PGAP2: variants seen among roughly 807,000 people sequenced by gnomAD.
PGAP2 encodes post-GPI attachment to proteins 2.
Under a neutral mutation model 33.2 loss-of-function variants are expected in PGAP2, and 21 were observed. That is an observed-to-expected ratio of 0.63 (90% CI 0.45 to 0.91). The LOEUF is 0.91. Among genes scored for constraint, PGAP2 ranks in the 40% least tolerant of loss-of-function variants. PGAP2 has a pLI of 0.00. For synonymous variants in PGAP2, 161 were observed against 172.9 expected (o/e 0.93, Z 0.54); for missense variants, 345 against 424.0 (o/e 0.81, Z 1.64).
At chr11:3,805,138 G>C (rs1241250098), upstream of PGAP2, among the ~76,000 whole-genome samples, 1 of 152,112 alleles carries the variant, frequency 6.6e-6, no homozygotes, top group Non-Finnish European at 1.5e-5. Context: ...AAAAGTTCAG[G>C]ACGAGTTCAC....
At position 3,808,621 on chromosome 11, in the gene PGAP2, T is replaced by G; in HGVS notation, c.-41T>G. On this transcript the variant is annotated 5_prime_UTR_variant, in exon 1 of 7. Transcript: ENST00000278243. Reference sequence around the variant, plus strand: ...ACCCCGGGCCACCTGGGCCCCCGGGTTCCGCCGGCACTCTCGCCACCACCG... The same window carrying G: ...ACCCCGGGCCACCTGGGCCCCCGGGGTCCGCCGGCACTCTCGCCACCACCG... 2.9e-5 allele frequency: 37 copies of G among 1,293,444 alleles called. No individual in the cohort carries two copies. The highest frequency in any genetic ancestry group is 6.2e-4 in the Middle Eastern group (2 of 3,248). 80.1% of individuals were successfully genotyped at this position (1,293,444 alleles called of 1,614,324 possible). A position where few individuals can be genotyped will look rare whatever the true frequency, so the allele number is the denominator to read the frequency against.
chr11:3,799,828 G>A (rs1325203980), intron 1 of PGAP2, among the ~76,000 whole-genome samples: 3 of 152,154 alleles, frequency 2.0e-5, no homozygotes, highest in African/African-American at 4.8e-5. Context: ...AAGGCCAGGT[G>A]TGGTGGCAAG....
At position 3,818,061 on chromosome 11, in the gene PGAP2, A is replaced by AAC. The variant is rs1565030001; in HGVS notation, c.348+526_348+527insAC. 2.9e-4 allele frequency: 69 copies of AAC among 234,354 alleles called. 2 individuals are homozygous for AAC. Among genetic ancestry groups the AAC allele is most frequent in the Admixed American group, 7.7e-4 (12 of 15,568 alleles). 14.5% of individuals were successfully genotyped at this position (234,354 alleles called of 1,614,324 possible). A position where few individuals can be genotyped will look rare whatever the true frequency, so the allele number is the denominator to read the frequency against. ...AACCCTGTCTCAAAAACAAAACAAAATAAAAAAAAAAAAACAGCAGGCTGT... is the reference window on the plus strand; with the variant it reads ...AACCCTGTCTCAAAAACAAAACAAAAACTAAAAAAAAAAAAACAGCAGGCTGT... On this transcript the variant is annotated intron_variant, in intron 3 of 6. Coordinates refer to ENST00000278243, the MANE Select transcript of PGAP2 (RefSeq NM_014489.4).
chr11:3,813,539 A>G (rs1240519597), intron 2 of PGAP2, among the ~76,000 whole-genome samples: 1 of 152,192 alleles, frequency 6.6e-6, no homozygotes, highest in Non-Finnish European at 1.5e-5. Flanking sequence ...ATGCACAACC[A>G]TGCCCAGCTA....
At chr11:3,798,256 C>T (rs2082862277) in intron 1 of PGAP2, among the ~76,000 whole-genome samples, 1 of 152,244 alleles carries the variant, frequency 6.6e-6, no homozygotes, top group African/African-American at 2.4e-5. Flanking sequence ...GGGACTGGCC[C>T]ACCAAAGGGC....
chr11:3,812,007 C>T (rs1485674216), intron 2 of PGAP2, among the ~76,000 whole-genome samples: 1 of 151,998 alleles, frequency 6.6e-6, no homozygotes, highest in East Asian at 1.9e-4. Flanking sequence ...ATATCTGTGC[C>T]TGTCTGTATG....
Position 3,811,617 on chromosome 11 carries a change from G to C in PGAP2, c.165+193G>C, listed in dbSNP as rs2085594307. On this transcript the variant is annotated intron_variant, in intron 2 of 6. Transcript: ENST00000278243. The surrounding 1 kb of genome is among the most constrained non-coding windows in gnomAD (Gnocchi z 4.6). ...GCCTTCTGTGAGGTTCTGGAGGCTG[G>C]AGTCACTGAAGTGTAATATAGAGTC... Among the ~76,000 whole-genome samples the C allele has an allele frequency of 6.6e-6, 1 of 152,122 alleles. No individual in the cohort carries two copies. Among genetic ancestry groups the C allele is most frequent in the Admixed American group, 6.5e-5 (1 of 15,276 alleles).
intron 3 of PGAP2, among the ~76,000 whole-genome samples, chr11:3,822,251 C>T (rs951585284): frequency 6.6e-6 from 1 of 151,890 alleles, no homozygotes. Flanking sequence ...GTAGTCCCAG[C>T]TACTCGGGAG....
chr11:3,824,879 G>GC, intron 5 of PGAP2, 141 bp from the exon 6 acceptor site: 1 of 1,471,658 alleles, frequency 6.8e-7, no homozygotes, highest in Non-Finnish European at 9.0e-7. Context: ...CATTCTTGCT[G>GC]CCCCTGCCTG....
chr11:3,807,624 G>A (rs1169977127), upstream of PGAP2, among the ~76,000 whole-genome samples: 1 of 152,010 alleles, frequency 6.6e-6, no homozygotes, highest in Non-Finnish European at 1.5e-5. Flanking sequence ...GGGTTTTTAT[G>A]AGGATTAAAT....
intron 3 of PGAP2, among the ~76,000 whole-genome samples, chr11:3,823,415 C>T (rs1407109805): frequency 6.6e-6 from 1 of 152,118 alleles, no homozygotes; most frequent in Admixed American, 6.5e-5. Flanking sequence ...GTGAGTGGCG[C>T]TGGGAGCAGA....
At chr11:3,819,561 A>C (rs571830297) in intron 3 of PGAP2, among the ~76,000 whole-genome samples, 1 of 152,124 alleles carries the variant, frequency 6.6e-6, no homozygotes, top group South Asian at 2.1e-4. Flanking sequence ...AAAGGAATGA[A>C]TCTTATGGTG....
chr11:3,804,354 A>T (rs112898337), upstream of PGAP2, among the ~76,000 whole-genome samples: 1 of 152,034 alleles, frequency 6.6e-6, no homozygotes, highest in African/African-American at 2.4e-5. Flanking sequence ...AAGATGAGTG[A>T]GCTGGGGGTG....
chr11:3,802,432 C>G (rs2083590303), intron 1 of PGAP2, among the ~76,000 whole-genome samples: 1 of 152,176 alleles, frequency 6.6e-6, no homozygotes, highest in Non-Finnish European at 1.5e-5. Context: ...CTTCCTTCTT[C>G]CGTTCTAAAG....
Position 3,826,216 on chromosome 11 carries a change from T to C in PGAP2, c.*758T>C, listed in dbSNP as rs1242398327. On this transcript the variant is annotated 3_prime_UTR_variant, in exon 7 of 7. Coordinates refer to ENST00000278243, the MANE Select transcript of PGAP2 (RefSeq NM_014489.4). Reference sequence around the variant, plus strand: ...ACCCCTCCCCTCCTTTGCAAAGGTATGGGATAGAGGGGTCAGATGCAGATC... The same window carrying C: ...ACCCCTCCCCTCCTTTGCAAAGGTACGGGATAGAGGGGTCAGATGCAGATC... 8 of 152,372 alleles carry C rather than the reference T, an allele frequency of 5.3e-5. No individual in the cohort carries two copies. The highest frequency in any genetic ancestry group is 1.9e-4 in the African/African-American group (8 of 41,548). The allele number at this position is 152,372 out of a possible 1,614,324, so 9.4% of individuals were successfully genotyped here.
chr11:3,814,029 C>T (rs1027552648), intron 2 of PGAP2, among the ~76,000 whole-genome samples: 2 of 152,166 alleles, frequency 1.3e-5, no homozygotes, highest in Admixed American at 1.3e-4. Context: ...CCTGAGCCTA[C>T]GGTGTTGGTT....
intron 2 of PGAP2, chr11:3,816,196 G>C (rs1331524211): frequency 6.5e-6 from 1 of 152,794 alleles, no homozygotes; most frequent in African/African-American, 2.4e-5. Context: ...TCCAGTCTTA[G>C]AATAGTCCCA....
chr11:3,815,097 C>T (rs1021285660), intron 2 of PGAP2, among the ~76,000 whole-genome samples: 1 of 150,980 alleles, frequency 6.6e-6, no homozygotes, highest in East Asian at 2.0e-4. Flanking sequence ...ACCACCGTGC[C>T]TGGCTCATTT....
At chr11:3,808,013 T>A, upstream of PGAP2, 1 of 1,357,820 alleles carries the variant, frequency 7.4e-7, no homozygotes, top group South Asian at 1.6e-5. Flanking sequence ...GGGCGCCCTC[T>A]CCTGAACAAA....
Sources: gnomAD v4.1 joint callset for allele counts (sites outside exome capture counted in the v4.1 genomes callset) on GRCh38, gnomAD v4.1.1 for gene constraint, Gnocchi (gnomAD v3.1) non-coding constraint, MANE v1.5 for transcripts, NCBI Gene and HGNC (gene_info 2026-07-23, HGNC 2026-07-21) for gene names.